LARGE1: variants seen among roughly 807,000 people sequenced by gnomAD.
LARGE1 encodes the protein xylosyl- and glucuronyltransferase LARGE1.
Under a neutral mutation model 87.6 loss-of-function variants are expected in LARGE1, and 43 were observed. That is an observed-to-expected ratio of 0.49 (90% CI 0.38 to 0.63). The LOEUF (loss-of-function observed/expected upper bound fraction) is 0.63, where lower values mean the gene tolerates loss of function less well. LARGE1 is among the 30% of genes least tolerant of loss of function. The pLI, the probability that LARGE1 is intolerant of heterozygous loss-of-function variation, is 0.00. For missense variants in LARGE1, 802 were observed against 1,000.2 expected (o/e 0.80, Z 2.67); for synonymous variants, 434 against 394.6 (o/e 1.10, Z -1.18).
chr22:33,287,412 A>G (rs1020349868), intron 12 of LARGE1, among the ~76,000 whole-genome samples: 3 of 152,194 alleles, frequency 2.0e-5, no homozygotes, highest in African/African-American at 7.2e-5. Context: ...TCATCTCACT[A>G]AAATACAAAC....
intron 1 of LARGE1, among the ~76,000 whole-genome samples, chr22:33,842,601 A>C (rs529827931): frequency 6.6e-6 from 1 of 152,326 alleles, no homozygotes; most frequent in South Asian, 2.1e-4. Context: ...TGACGCGTGC[A>C]GGTGTCACGA....
Position 33,650,554 on chromosome 22 carries a change from T to TC in LARGE1, c.220dup (p.Glu74GlyfsTer91). On this transcript the variant is annotated frameshift_variant, in exon 3 of 15. Transcript: ENST00000397394. LOFTEE classifies it high-confidence loss of function. ...CTGCCTGCGGAGGGCGCGGTTCTCC[T>TC]CCTCCACCTCGCGCATGCGCACCTC... The TC allele has an allele frequency of 6.2e-7, 1 of 1,609,018 alleles. No homozygotes were observed. The highest frequency in any genetic ancestry group is 8.5e-7 in the Non-Finnish European group (1 of 1,179,922).
chr22:33,830,222 C>CAGAG (rs1288929516), intron 1 of LARGE1, among the ~76,000 whole-genome samples: 1 of 152,050 alleles, frequency 6.6e-6, no homozygotes. Context: ...GTAAAATTTA[C>CAGAG]AGAGAGACAC....
intron 11 of LARGE1, among the ~76,000 whole-genome samples, chr22:33,314,082 G>C (rs943036333): frequency 6.6e-6 from 1 of 152,198 alleles, no homozygotes; most frequent in Non-Finnish European, 1.5e-5. Context: ...TGTGGATGTG[G>C]AGATGAGAAA....
At chr22:33,592,070 G>A (rs557196617) in intron 5 of LARGE1, among the ~76,000 whole-genome samples, 223 of 138,798 alleles carry the variant, frequency 1.6e-3, no homozygotes, top group Admixed American at 5.8e-3. Context: ...GGAGAAGGGA[G>A]GGGAGGAGAG....
At chr22:33,915,034 CACACACACAGAG>C (rs1569031634) in intron 1 of LARGE1, among the ~76,000 whole-genome samples, 2 of 121,018 alleles carry the variant, frequency 1.7e-5, no homozygotes, top group Admixed American at 8.4e-5. Context: ...CACACACACA[CACACACACAGAG>C]AGAGAGAGAG....
intron 11 of LARGE1, among the ~76,000 whole-genome samples, chr22:33,244,857 A>G (rs1926684566): frequency 6.6e-6 from 1 of 152,070 alleles, no homozygotes; most frequent in African/African-American, 2.4e-5. Context: ...GTGGATAACA[A>G]CTCCAACAAC....
chr22:33,767,691 GTTCA>G, intron 1 of LARGE1, among the ~76,000 whole-genome samples: 1 of 152,132 alleles, frequency 6.6e-6, no homozygotes, highest in Admixed American at 6.5e-5. Context: ...TTTCATGGGT[GTTCA>G]GGATGTGTGG....
chr22:33,691,630 A>G (rs1322305147), intron 2 of LARGE1, among the ~76,000 whole-genome samples: 7 of 152,214 alleles, frequency 4.6e-5, no homozygotes, highest in Non-Finnish European at 8.8e-5. Flanking sequence ...AAAATCTGCT[A>G]AGCCCCATTA....
chr22:33,644,009 C>G (rs1399130528), intron 3 of LARGE1, among the ~76,000 whole-genome samples: 2 of 152,298 alleles, frequency 1.3e-5, no homozygotes, highest in East Asian at 1.9e-4. Flanking sequence ...GCCATTCCTT[C>G]TGAAACTATT....
intron 1 of LARGE1, among the ~76,000 whole-genome samples, chr22:33,887,813 C>T (rs915591203): frequency 1.3e-5 from 2 of 152,166 alleles, no homozygotes; most frequent in African/African-American, 4.8e-5. Flanking sequence ...ACAAGGTTCT[C>T]ATGCCTATGA....
intron 11 of LARGE1, among the ~76,000 whole-genome samples, chr22:33,210,519 GTCCT>G (rs1245052087): frequency 6.6e-6 from 1 of 152,184 alleles, no homozygotes; most frequent in African/African-American, 2.4e-5. Flanking sequence ...TCAGAGGGAG[GTCCT>G]CCTTGAACTC....
intron 11 of LARGE1, among the ~76,000 whole-genome samples, chr22:33,244,672 G>A (rs1010735436): frequency 6.6e-6 from 1 of 152,218 alleles, no homozygotes; most frequent in Non-Finnish European, 1.5e-5. Context: ...TATGCCATCT[G>A]TCATCATCTT....
chr22:33,700,525 T>C (rs2082375347), intron 2 of LARGE1, among the ~76,000 whole-genome samples: 1 of 152,144 alleles, frequency 6.6e-6, no homozygotes, highest in Non-Finnish European at 1.5e-5. Context: ...AACTATGCTC[T>C]GTTCAAGGAA....
At chr22:33,584,842 C>G (rs757622513) in intron 5 of LARGE1, among the ~76,000 whole-genome samples, 2 of 152,160 alleles carry the variant, frequency 1.3e-5, no homozygotes, top group African/African-American at 4.8e-5. Context: ...GTGGGCTGGG[C>G]GCATTGGCTC....
intron 11 of LARGE1, among the ~76,000 whole-genome samples, chr22:33,187,308 T>C (rs1291172276): frequency 6.6e-6 from 1 of 152,184 alleles, no homozygotes; most frequent in Non-Finnish European, 1.5e-5. Context: ...ACTATCCAGC[T>C]TTTAAAAAGA....
At chr22:33,311,416 T>C (rs924697240) in intron 11 of LARGE1, among the ~76,000 whole-genome samples, 1 of 152,210 alleles carries the variant, frequency 6.6e-6, no homozygotes, top group Non-Finnish European at 1.5e-5. Context: ...TAGAAACATG[T>C]TTGTTCTACT....
chr22:33,470,042 A>C (rs1352847045), intron 6 of LARGE1, among the ~76,000 whole-genome samples: 1 of 151,304 alleles, frequency 6.6e-6, no homozygotes, highest in African/African-American at 2.4e-5. Context: ...GGCTCCTGCC[A>C]CCACGCCCGG....
chr22:33,102,871 T>C, the LARGE1 span, among the ~76,000 whole-genome samples: 3 of 152,130 alleles, frequency 2.0e-5, no homozygotes, highest in East Asian at 1.9e-4. Flanking sequence ...TCTGGCTCTG[T>C]TTCTCACTGT....
Sources: allele counts gnomAD v4.1 joint callset (sites outside exome capture counted in the v4.1 genomes callset), GRCh38; gene constraint gnomAD v4.1.1; transcripts MANE v1.5; gene names NCBI Gene and HGNC (gene_info 2026-07-23, HGNC 2026-07-21).